The following DENND1A variants were observed in gnomAD, a reference collection of about 807,000 sequenced individuals.
The protein encoded by DENND1A is DENN domain-containing protein 1A.
DENND1A carries 51 observed loss-of-function variants against 113.7 expected under a neutral mutation model. The observed-to-expected ratio is 0.45, with a 90% CI of 0.36 to 0.57. The LOEUF (loss-of-function observed/expected upper bound fraction) is 0.57, where lower values mean the gene tolerates loss of function less well. DENND1A is among the 20% of genes least tolerant of loss of function. The pLI, the probability that DENND1A is intolerant of heterozygous loss-of-function variation, is 0.00. For synonymous variants in DENND1A, 565 were observed against 570.8 expected (o/e 0.99, Z 0.14); for missense variants, 1,258 against 1,395.9 (o/e 0.90, Z 1.57).
At chr9:123,630,694 G>A (rs1182214718) in intron 9 of DENND1A, among the ~76,000 whole-genome samples, 3 of 152,106 alleles carry the variant, frequency 2.0e-5, no homozygotes, top group Non-Finnish European at 4.4e-5. Flanking sequence ...GCTAATATAC[G>A]AAATAGAAAA....
At chr9:123,602,499 C>T (rs1414825345) in intron 11 of DENND1A, among the ~76,000 whole-genome samples, 1 of 152,338 alleles carries the variant, frequency 6.6e-6, no homozygotes, top group South Asian at 2.1e-4. Context: ...ATATCTCCTA[C>T]TTCGCAGAGA....
intron 22 of DENND1A, among the ~76,000 whole-genome samples, chr9:123,386,590 G>T (rs2042576010): frequency 6.6e-6 from 1 of 152,054 alleles, no homozygotes; most frequent in Non-Finnish European, 1.5e-5. Context: ...CACCATGTTG[G>T]CCAGGCTGGT....
rs187129381 is a variant in DENND1A at position 123,432,462 on chromosome 9, G to A, written c.1488+7898C>T. On this transcript the variant is annotated intron_variant, in intron 19 of 23. Transcript: ENST00000394215. ...CAACTCTGGACAGCCACCCCATGGG[G>A]ACCGAAGGGAGGGCACTGTCACGGT... Among the ~76,000 whole-genome samples the A allele has an allele frequency of 4.9e-4, 75 of 152,322 alleles. No homozygotes were observed. In the East Asian group the frequency reaches 0.013, roughly 27 times the overall value.
At chr9:123,800,003 C>T (rs955265808) in intron 2 of DENND1A, among the ~76,000 whole-genome samples, 1 of 152,178 alleles carries the variant, frequency 6.6e-6, no homozygotes, top group African/African-American at 2.4e-5. Context: ...ACATGTGTTC[C>T]TGAAATAAAC....
chr9:123,899,044 C>T (rs1486640347), intron 1 of DENND1A, among the ~76,000 whole-genome samples: 4 of 152,164 alleles, frequency 2.6e-5, no homozygotes, highest in Non-Finnish European at 5.9e-5. Context: ...TTCTATTCCC[C>T]GAGGCTCAAA....
At chr9:123,928,438 C>T (rs1174157063) in intron 1 of DENND1A, among the ~76,000 whole-genome samples, 4 of 152,258 alleles carry the variant, frequency 2.6e-5, no homozygotes, top group African/African-American at 9.6e-5. Flanking sequence ...AGGAGCTAAA[C>T]TTGAGTGCCT....
At chr9:123,824,842 T>G (rs1191873798) in intron 2 of DENND1A, among the ~76,000 whole-genome samples, 2 of 152,234 alleles carry the variant, frequency 1.3e-5, no homozygotes, top group Non-Finnish European at 2.9e-5. Flanking sequence ...AACTTCATTA[T>G]GTGGTACCAA....
chr9:123,840,157 A>T (rs954692335), intron 2 of DENND1A, among the ~76,000 whole-genome samples: 14 of 151,736 alleles, frequency 9.2e-5, no homozygotes, highest in Admixed American at 2.0e-4. Flanking sequence ...CTCAAAAAAA[A>T]TTTTTTTAAG....
At chr9:123,782,548 C>A (rs767637351) in intron 3 of DENND1A, among the ~76,000 whole-genome samples, 1 of 152,142 alleles carries the variant, frequency 6.6e-6, no homozygotes. Flanking sequence ...GATCTGGACA[C>A]GAAGCCGGCA....
At chr9:123,446,478 C>A (rs1043853215) in intron 18 of DENND1A, among the ~76,000 whole-genome samples, 1 of 152,176 alleles carries the variant, frequency 6.6e-6, no homozygotes, top group African/African-American at 2.4e-5. Context: ...AAATTCAAGC[C>A]TCTGTGAAAC....
In DENND1A at chr9:123,379,682, G is replaced by GCACA. The variant is rs2042179098; in HGVS notation, c.*1746_*1749dup. On this transcript the variant is annotated 3_prime_UTR_variant, in exon 24 of 24. Coordinates refer to ENST00000394215, the MANE Select transcript of DENND1A (RefSeq NM_001352964.2). ...CTTCCCCAAGATGATTTTATTGAAT[G>GCACA]CACACAAAGTTCATCCTTGGGTTTG... 6.6e-6 allele frequency: 1 copy of GCACA among 152,294 alleles called. No homozygotes were observed. Among genetic ancestry groups the GCACA allele is most frequent in the African/African-American group, 2.4e-5 (1 of 41,478 alleles). 9.4% of individuals were successfully genotyped at this position (152,294 alleles called of 1,614,324 possible).
intron 9 of DENND1A, among the ~76,000 whole-genome samples, chr9:123,644,937 G>A (rs1468807967): frequency 1.3e-5 from 2 of 152,116 alleles, no homozygotes; most frequent in African/African-American, 4.8e-5. Context: ...CCAAAAAGCA[G>A]TATGAATTAA....
chr9:123,734,950 C>G (rs1198542739), intron 5 of DENND1A, among the ~76,000 whole-genome samples: 1 of 152,088 alleles, frequency 6.6e-6, no homozygotes, highest in Non-Finnish European at 1.5e-5. Flanking sequence ...ATGATTTGAT[C>G]CTCGCTACAA....
At chr9:123,727,500 C>G (rs1362098565) in intron 5 of DENND1A, among the ~76,000 whole-genome samples, 1 of 152,174 alleles carries the variant, frequency 6.6e-6, no homozygotes, top group Non-Finnish European at 1.5e-5. Context: ...TCCTTTGAAG[C>G]TACTTGCTTT....
chr9:123,607,601 G>A (rs1223504880), intron 11 of DENND1A, among the ~76,000 whole-genome samples: 1 of 139,892 alleles, frequency 7.1e-6, no homozygotes, highest in African/African-American at 2.7e-5. Context: ...ATTGTTTGGG[G>A]AAGACTGGGG....
intron 9 of DENND1A, among the ~76,000 whole-genome samples, chr9:123,642,513 T>C (rs922135190): frequency 2.0e-5 from 3 of 152,246 alleles, no homozygotes; most frequent in African/African-American, 7.2e-5. Context: ...CTCAGGTTGT[T>C]AGTGTGAACT....
intron 13 of DENND1A, among the ~76,000 whole-genome samples, chr9:123,465,308 A>AT (rs60428558): frequency 1.6e-3 from 131 of 80,070 alleles, no homozygotes; most frequent in African/African-American, 5.5e-3. Context: ...TTTGTCTTTG[A>AT]TTTTTTTTTT....
At chr9:123,766,571 T>C (rs1361551328) in intron 4 of DENND1A, among the ~76,000 whole-genome samples, 1 of 152,180 alleles carries the variant, frequency 6.6e-6, no homozygotes, top group East Asian at 1.9e-4. Flanking sequence ...TCTCTATATA[T>C]TTGGTGACTG....
chr9:123,622,016 G>A (rs916472468), intron 10 of DENND1A, among the ~76,000 whole-genome samples: 7 of 152,176 alleles, frequency 4.6e-5, no homozygotes, highest in African/African-American at 1.7e-4. Flanking sequence ...AGAGAGATCT[G>A]AGCATCCCCA....
Sources: allele counts gnomAD v4.1 joint callset (sites outside exome capture counted in the v4.1 genomes callset), GRCh38; gene constraint gnomAD v4.1.1; transcripts MANE v1.5; gene names NCBI Gene and HGNC (gene_info 2026-07-23, HGNC 2026-07-21).